Variants in BRD1 observed in about 807,000 individuals in gnomAD.
BRD1 encodes bromodomain-containing protein 1.
In BRD1, 24 loss-of-function variants were observed where a neutral mutation model predicts 107.7. That is an observed-to-expected ratio of 0.22 (90% confidence interval 0.16 to 0.31). BRD1 has a LOEUF of 0.31. Ranked by LOEUF, BRD1 falls within the 10% of genes least tolerant of loss-of-function variation. The probability of loss-of-function intolerance (pLI) is 1.00; values close to 1 mark genes in which losing one functional copy is unlikely to be tolerated. For missense variants in BRD1, 1,279 were observed against 1,638.6 expected, an observed-to-expected ratio of 0.78 and a Z score of 3.79; for synonymous variants, 744 against 686.1, an observed-to-expected ratio of 1.08 and a Z score of -1.32.
At chr22:49,798,904 G>A in intron 4 of BRD1, 84 bp downstream of exon 4, 1 of 1,512,904 alleles carries the variant, frequency 6.6e-7, no homozygotes, top group Non-Finnish European at 8.8e-7. Context: ...ACCGGGTGCA[G>A]CCCACCCTCT....
Position 49,794,058 on chromosome 22 carries a change from G to T in BRD1, c.2335C>A (p.Leu779Met), listed in dbSNP as rs1429690905. ...LEGFEEDGAA[L>M]GPEAGEEGDK... is the part of the protein sequence containing the mutation. ...CCTTCCTCGCCCGCCTCCGGCCCCAGCGCAGCTCCGTCCTCTTCGAAGCCT... is the reference window on the plus strand; with the variant it reads ...CCTTCCTCGCCCGCCTCCGGCCCCATCGCAGCTCCGTCCTCTTCGAAGCCT... The change falls in exon 7 of 13, where the codon CTG becomes ATG. Residue 779 changes from leucine (L) to methionine (M), a missense_variant. Physicochemically the swap from Leu to Met is conservative, Grantham distance 15. Transcript: ENST00000404760. 3 of 1,613,666 alleles carry T rather than the reference G, an allele frequency of 1.9e-6. No homozygotes were observed. Among genetic ancestry groups the T allele is most frequent in the Admixed American group, 1.7e-5 (1 of 59,996 alleles).
chr22:49,777,196 C>G lies in BRD1; in HGVS notation c.2994-35G>C, dbSNP rs747925119. ...GAAGAGCAGAGGGAGTCAGGCGCCC[C>G]GCCCCTGCCTTCAGCCTCACTCGGG... On this transcript the variant is annotated intron_variant, in intron 9 of 12. Transcript: ENST00000404760. 8 of 1,606,126 alleles carry G rather than the reference C, an allele frequency of 5.0e-6. No individual in the cohort carries two copies. In the Admixed American group the frequency reaches 6.7e-5, roughly 13 times the overall value.
At position 49,788,015 on chromosome 22, in the gene BRD1, G is replaced by A. The variant is rs570284561; in HGVS notation, c.2360-128C>T. 150 of 977,224 alleles carry A rather than the reference G, an allele frequency of 1.5e-4. No homozygotes were observed. In the South Asian group the frequency reaches 2.6e-3, roughly 17 times the overall value. The allele number at this position is 977,224 out of a possible 1,614,324, so 60.5% of individuals were successfully genotyped here. A position where few individuals can be genotyped will look rare whatever the true frequency, so the allele number is the denominator to read the frequency against. On this transcript the variant is annotated intron_variant, in intron 7 of 12. Coordinates refer to ENST00000404760, the MANE Select transcript of BRD1 (RefSeq NM_001304808.3). ...AAGGAAACAAGGCATCGCATGTACT[G>A]TCTGCTCGGCAGTGTGGGCCCCGTG...
In BRD1 at chr22:49,803,907, C is replaced by T. The variant is rs567687070; in HGVS notation, c.1524+297G>A. On this transcript the variant is annotated intron_variant, in intron 3 of 12. Transcript: ENST00000404760. The surrounding 1 kb of genome is among the most constrained non-coding windows in gnomAD (Gnocchi z 4.4). ...CACATCCCTGAGCATCCCCAGTCCC[C>T]AGAGCTGGCCACTGCCCATCAGCGT... 6.6e-6 allele frequency among the ~76,000 whole-genome samples: 1 copy of T among 152,220 alleles called. No individual in the cohort carries two copies. Among genetic ancestry groups the T allele is most frequent in the Non-Finnish European group, 1.5e-5 (1 of 68,048 alleles).
At chr22:49,797,172 G>C (rs1052807677) in intron 6 of BRD1, among the ~76,000 whole-genome samples, 2 of 152,216 alleles carry the variant, frequency 1.3e-5, no homozygotes, top group Non-Finnish European at 2.9e-5. Context: ...AGAGAAGGGT[G>C]CAGGTGACTA....
At chr22:49,793,929 C>T in intron 7 of BRD1, 105 bp downstream of exon 7, 1 of 1,462,724 alleles carries the variant, frequency 6.8e-7, no homozygotes, top group Non-Finnish European at 9.1e-7. Flanking sequence ...ACCTGAGCCT[C>T]CGTGCACACC....
chr22:49,796,129 C>T (rs2059526618), intron 6 of BRD1, among the ~76,000 whole-genome samples: 2 of 149,914 alleles, frequency 1.3e-5, no homozygotes, highest in Admixed American at 1.3e-4. Flanking sequence ...CTTGCTCTGT[C>T]GCCCAGGCTG....
At chr22:49,779,344 G>A (rs1475815016) in intron 8 of BRD1, among the ~76,000 whole-genome samples, 1 of 152,214 alleles carries the variant, frequency 6.6e-6, no homozygotes, top group South Asian at 2.1e-4. Context: ...TACACTTGCT[G>A]TCTGTTCTCA....
rs2147443000 is a variant in BRD1, at chr22:49,824,965, A to G, written c.-14-634T>C. On this transcript the variant is annotated intron_variant, in intron 1 of 12. Coordinates refer to ENST00000404760, the MANE Select transcript of BRD1 (RefSeq NM_001304808.3). This position sits in a 1 kb window ranked among gnomAD's most constrained non-coding sequence, Gnocchi z 5.9. Reference sequence around the variant, plus strand: ...TAGACAGGCCCTCCACACGCACAACACGGCACAGGGGACCAACAGGGGAGC... The same window carrying G: ...TAGACAGGCCCTCCACACGCACAACGCGGCACAGGGGACCAACAGGGGAGC... 1.3e-5 allele frequency among the ~76,000 whole-genome samples: 2 copies of G among 152,104 alleles called. No homozygotes were observed. Among genetic ancestry groups the G allele is most frequent in the Non-Finnish European group, 2.9e-5 (2 of 67,978 alleles).
chr22:49,795,711 G>A (rs934238795), intron 6 of BRD1, among the ~76,000 whole-genome samples: 4 of 152,228 alleles, frequency 2.6e-5, no homozygotes, highest in South Asian at 2.1e-4. Flanking sequence ...CCAGGTGGGC[G>A]TCTGAGAGCT....
At chr22:49,774,602 C>T (rs1192586257) in intron 12 of BRD1, among the ~76,000 whole-genome samples, 186 bp from the exon 13 acceptor site, 1 of 152,178 alleles carries the variant, frequency 6.6e-6, no homozygotes, top group African/African-American at 2.4e-5. Context: ...CTTCCCCTCC[C>T]CGACTTGGGG....
At chr22:49,778,402 AGT>A (rs2059141379) in intron 8 of BRD1, among the ~76,000 whole-genome samples, 1 of 152,252 alleles carries the variant, frequency 6.6e-6, no homozygotes, top group Admixed American at 6.5e-5. Flanking sequence ...GCCGTGTCTG[AGT>A]GTGTCTGGCC....
At position 49,783,241 on chromosome 22, in the gene BRD1, A is replaced by T. The variant is rs117447373; in HGVS notation, c.2857+4149T>A. Among the ~76,000 whole-genome samples, 6,790 of 152,372 alleles carry T rather than the reference A, an allele frequency of 0.045. 238 individuals carry two copies. The highest frequency in any genetic ancestry group is 0.13 in the South Asian group (637 of 4,832). On this transcript the variant is annotated intron_variant, in intron 8 of 12. Transcript: ENST00000404760. This position sits in a 1 kb window ranked among gnomAD's most constrained non-coding sequence, Gnocchi z 4.2. Reference sequence around the variant, plus strand: ...ACAGATGCCCCACCCCACGAGCAGGACTTCTCAGTTGGCCGCAGGGGCACT... The same window carrying T: ...ACAGATGCCCCACCCCACGAGCAGGTCTTCTCAGTTGGCCGCAGGGGCACT...
In BRD1 at chr22:49,775,713, G is replaced by T. The variant is rs1445837887; in HGVS notation, c.3264C>A (p.Gly1088=). 6.2e-7 allele frequency: 1 copy of T among 1,611,760 alleles called. No homozygotes were observed. The change falls in exon 12 of 13, where the codon GGC becomes GGA. Residue 1088 remains glycine (G), a synonymous_variant. Transcript: ENST00000404760. Reference sequence around the variant, plus strand: ...CCGGGATGGTGACGCCGTTGTGGTGGCCAGGCACACGGGGCATCTTGGGGT... The same window carrying T: ...CCGGGATGGTGACGCCGTTGTGGTGTCCAGGCACACGGGGCATCTTGGGGT... ...IIDPKMPRVP[G]HHNGVTIPAP...
intron 2 of BRD1, among the ~76,000 whole-genome samples, chr22:49,821,719 C>T (rs534915465): frequency 6.6e-6 from 1 of 152,312 alleles, no homozygotes; most frequent in South Asian, 2.1e-4. Flanking sequence ...GCTCAGCCTG[C>T]ATGCGTCCCA....
intron 12 of BRD1, 43 bp downstream of exon 12, chr22:49,775,548 A>G: frequency 7.4e-7 from 1 of 1,357,524 alleles, no homozygotes; most frequent in Non-Finnish European, 9.5e-7. Flanking sequence ...ACGGCCCCCA[A>G]CCACCCCAGC....
chr22:49,797,904 G>T lies in BRD1; in HGVS notation c.1999C>A (p.Arg667=), dbSNP rs148277487. The change falls in exon 6 of 13, where the codon CGG becomes AGG. Residue 667 remains arginine, a synonymous_variant. Coordinates refer to ENST00000404760, the MANE Select transcript of BRD1 (RefSeq NM_001304808.3). The part of the protein sequence containing the change: ...DQGGVVLRQA[R]REVDSIGLEE... ...AAGCCGATGCTGTCCACCTCGCGCC[G>T]GGCCTGCCTCAGAACAACACCTCCC... 1.2e-6 allele frequency: 2 copies of T among 1,614,072 alleles called. No individual in the cohort carries two copies. The highest frequency in any genetic ancestry group is 4.5e-5 in the East Asian group (2 of 44,884).
chr22:49,790,965 C>T (rs560550492), intron 7 of BRD1, among the ~76,000 whole-genome samples: 1 of 152,366 alleles, frequency 6.6e-6, no homozygotes, highest in African/African-American at 2.4e-5. Context: ...ACTGGAAATC[C>T]CAAGGACTCG....
intron 5 of BRD1, 94 bp downstream of exon 5, chr22:49,798,464 T>G: frequency 3.8e-6 from 6 of 1,572,800 alleles, no homozygotes; most frequent in Non-Finnish European, 5.2e-6. Flanking sequence ...ACACAAGGGA[T>G]GTACTCTAGC....
Sources: allele counts gnomAD v4.1 joint callset (sites outside exome capture counted in the v4.1 genomes callset), GRCh38; gene constraint gnomAD v4.1.1; non-coding constraint Gnocchi (gnomAD v3.1); transcripts MANE v1.5; gene names NCBI Gene and HGNC (gene_info 2026-07-23, HGNC 2026-07-21).